Variants in DERPC observed in about 807,000 individuals in gnomAD.
The protein encoded by DERPC is DERPC proline and glycine rich nuclear protein, also known as decreased expression in renal and prostate cancer protein.
In DERPC, 1 loss-of-function variant was observed where a neutral mutation model predicts 7.2. The ratio of observed to expected loss-of-function variants is 0.14; its 90% CI spans 0.05 to 0.66. The LOEUF is 0.66. Among genes scored for constraint, DERPC ranks in the 30% least tolerant of loss-of-function variants. The pLI is 0.84. For missense variants in DERPC, 502 were observed against 299.4 expected (o/e 1.68, Z -4.99); for synonymous variants, 185 against 117.6 (o/e 1.57, Z -3.71).
At chr16:69,123,798 C>T (rs577579502) in intron 1 of DERPC, among the ~76,000 whole-genome samples, 1 of 152,016 alleles carries the variant, frequency 6.6e-6, no homozygotes, top group East Asian at 1.9e-4. Flanking sequence ...AATTAGATAA[C>T]AGACTTTGGC....
At chr16:69,123,344 A>G (rs1004900702) in intron 1 of DERPC, among the ~76,000 whole-genome samples, 4 of 152,156 alleles carry the variant, frequency 2.6e-5, no homozygotes, top group African/African-American at 9.7e-5. Flanking sequence ...ATCAAGGTTC[A>G]AAGGGTCTCC....
intron 1 of DERPC, chr16:69,132,075 C>A (rs1424995703): frequency 6.5e-6 from 1 of 154,512 alleles, no homozygotes. Flanking sequence ...GGAAGAGCCC[C>A]TTCCCGCACG....
In DERPC at chr16:69,118,308, G is replaced by A; in HGVS notation, c.*546C>T. The A allele has an allele frequency of 8.5e-7, 1 of 1,180,566 alleles. No homozygotes were observed. Among genetic ancestry groups the A allele is most frequent in the Non-Finnish European group, 1.3e-6 (1 of 785,086 alleles). 73.1% of individuals were successfully genotyped at this position (1,180,566 alleles called of 1,614,324 possible). A position where few individuals can be genotyped will look rare whatever the true frequency, so the allele number is the denominator to read the frequency against. ...CAGTCAAGCAGAAACTGCATTCGGT[G>A]GGTCTTTCTTTGAAGTGGTTGTCCA... is the stretch of plus-strand genomic sequence containing the variant. On this transcript the variant is annotated 3_prime_UTR_variant, in exon 3 of 3. Coordinates refer to ENST00000519520, the MANE Select transcript of DERPC (RefSeq NM_001002847.4).
At chr16:69,121,615 A>G in intron 1 of DERPC, 122 bp from the exon 2 acceptor site, 1 of 574,334 alleles carries the variant, frequency 1.7e-6, no homozygotes, top group Non-Finnish European at 3.1e-6. Flanking sequence ...GTAGCTGGGA[A>G]TACAGGCACC....
At chr16:69,132,422 C>T (rs1673895210) in intron 1 of DERPC, 62 bp downstream of exon 1, 1 of 173,494 alleles carries the variant, frequency 5.8e-6, no homozygotes, top group South Asian at 1.3e-4. Context: ...GCGCCCTCGC[C>T]CCCAATCCCG....
rs1049186048 is a variant in DERPC, at chr16:69,119,872, C to T, written c.557G>A (p.Arg186Lys). 5.7e-6 allele frequency: 4 copies of T among 701,636 alleles called. No homozygotes were observed. The African/African-American group carries it at 7.0e-5, about 12-fold the overall frequency. 43.5% of individuals were successfully genotyped at this position (701,636 alleles called of 1,614,324 possible). A position where few individuals can be genotyped will look rare whatever the true frequency, so the allele number is the denominator to read the frequency against. ...CCCAGAGGTTAACAGAACACCGGCT[C>T]TCAGGTTAGGTCCAGATCCAGGGCC... is the stretch of plus-strand genomic sequence containing the variant. ...PMGPGSGPNL[R>K]AGVLLTSGNG... Residue 186 changes from arginine to lysine, a missense_variant, in exon 3 of 3, where the codon AGA (arginine) becomes AAA (lysine). Arg to Lys is a conservative substitution (Grantham distance 26, BLOSUM62 2). Transcript: ENST00000519520.
At position 69,119,202 on chromosome 16, in the gene DERPC, G is replaced by T. The variant is rs992784148; in HGVS notation, c.1227C>A (p.Asn409Lys). 2 of 702,950 alleles carry T rather than the reference G, an allele frequency of 2.8e-6. No individual in the cohort carries two copies. The highest frequency in any genetic ancestry group is 3.5e-5 in the African/African-American group (2 of 57,288). 43.5% of individuals were successfully genotyped at this position (702,950 alleles called of 1,614,324 possible). A position where few individuals can be genotyped will look rare whatever the true frequency, so the allele number is the denominator to read the frequency against. Residue 409 changes from asparagine (N) to lysine (K), a missense_variant, in exon 3 of 3, where the codon AAC (asparagine) becomes AAA (lysine). By Grantham distance (94) the Asn-to-Lys change is moderately conservative (BLOSUM62 0). Transcript: ENST00000519520. ...CAGTGGCCCTTGGGAAGTTAGCTGG[G>T]TTGGGGCCAAGTGGCCCAGAGGCTC... ...FPRASGPLGP[N>K]PANFPRATGL...
In DERPC at chr16:69,119,782, C is replaced by T. The variant is rs1192116615; in HGVS notation, c.647G>A (p.Gly216Asp). ...GPGPNPNLRS[G>D]FLGTNPAPRS... is the part of the protein sequence containing the mutation. ...GGGGGCAGGGTTTGTCCCTAAAAAG[C>T]CTGATCTCAGATTGGGGTTTGGTCC... Residue 216 changes from glycine to aspartate, a missense_variant, in exon 3 of 3, where the codon GGC becomes GAC. Coordinates refer to ENST00000519520, the MANE Select transcript of DERPC (RefSeq NM_001002847.4). 3 of 699,672 alleles carry T rather than the reference C, an allele frequency of 4.3e-6. No homozygotes were observed. The highest frequency in any genetic ancestry group is 4.0e-5 in the Admixed American group (2 of 49,962). 43.3% of individuals were successfully genotyped at this position (699,672 alleles called of 1,614,324 possible). A position where few individuals can be genotyped will look rare whatever the true frequency, so the allele number is the denominator to read the frequency against.
In DERPC at chr16:69,118,683, C is replaced by T. The variant is rs147852683; in HGVS notation, c.*171G>A. On this transcript the variant is annotated 3_prime_UTR_variant, in exon 3 of 3. Coordinates refer to ENST00000519520, the MANE Select transcript of DERPC (RefSeq NM_001002847.4). ...GCCACAGTTCACATGCCACAAATAA[C>T]ATCTCACCTTCAGTCAAGAAAAACG... is the stretch of plus-strand genomic sequence containing the variant. The T allele has an allele frequency of 2.0e-3, 1,349 of 670,664 alleles. 10 individuals carry two copies. Among genetic ancestry groups the T allele is most frequent in the African/African-American group, 0.018 (982 of 55,860 alleles). The allele number at this position is 670,664 out of a possible 1,614,324, so 41.5% of individuals were successfully genotyped here. A position where few individuals can be genotyped will look rare whatever the true frequency, so the allele number is the denominator to read the frequency against.
intron 2 of DERPC, chr16:69,121,230 TCA>T: frequency 6.7e-7 from 1 of 1,490,120 alleles, no homozygotes; most frequent in South Asian, 1.2e-5. Context: ...AATAGTGTCC[TCA>T]CACCACCATT....
chr16:69,122,327 C>T (rs1424515246), intron 1 of DERPC, among the ~76,000 whole-genome samples: 1 of 151,902 alleles, frequency 6.6e-6, no homozygotes, highest in Non-Finnish European at 1.5e-5. Context: ...AGACCATACT[C>T]TTGCTCACTA....
chr16:69,129,366 G>C (rs1962321715), intron 1 of DERPC, among the ~76,000 whole-genome samples: 2 of 146,238 alleles, frequency 1.4e-5, no homozygotes, highest in Admixed American at 1.4e-4. Context: ...GGAGGCAGAG[G>C]TTGCAGTGAG....
chr16:69,121,675 T>G (rs1961678377), intron 1 of DERPC, among the ~76,000 whole-genome samples, 182 bp from the exon 2 acceptor site: 1 of 151,090 alleles, frequency 6.6e-6, no homozygotes, highest in Admixed American at 6.6e-5. Flanking sequence ...GATGGGGTTT[T>G]TTTTTTTTTT....
chr16:69,130,498 A>AG (rs1962419440), intron 1 of DERPC, among the ~76,000 whole-genome samples: 1 of 152,202 alleles, frequency 6.6e-6, no homozygotes, highest in African/African-American at 2.4e-5. Context: ...TTGTTTACGA[A>AG]TATAGTGAAG....
intron 1 of DERPC, among the ~76,000 whole-genome samples, chr16:69,128,685 G>A (rs1321632336): frequency 6.6e-6 from 1 of 152,096 alleles, no homozygotes. Context: ...AAACTAAAAA[G>A]CTTTGGCTGT....
intron 1 of DERPC, among the ~76,000 whole-genome samples, chr16:69,123,629 C>T (rs115138138): frequency 0.018 from 2,709 of 152,144 alleles, 83 homozygotes; most frequent in African/African-American, 0.062. Context: ...CCCTGGGCGA[C>T]AGAGTGAGAC....
Position 69,119,587 on chromosome 16 carries a change from G to A in DERPC, c.842C>T (p.Ala281Val). 1 of 701,836 alleles carries A rather than the reference G, an allele frequency of 1.4e-6. No homozygotes were observed. Among genetic ancestry groups the A allele is most frequent in the Non-Finnish European group, 2.6e-6 (1 of 384,296 alleles). 43.5% of individuals were successfully genotyped at this position (701,836 alleles called of 1,614,324 possible). A position where few individuals can be genotyped will look rare whatever the true frequency, so the allele number is the denominator to read the frequency against. Residue 281 changes from alanine to valine, a missense_variant, in exon 3 of 3, where the codon GCA becomes GTA. Coordinates refer to ENST00000519520, the MANE Select transcript of DERPC (RefSeq NM_001002847.4). ...TGAATTTGCTCCTAAAAGACCTGCTGCTCTTAGAATGGGGGCAAGATCGAG... is the reference window on the plus strand; with the variant it reads ...TGAATTTGCTCCTAAAAGACCTGCTACTCTTAGAATGGGGGCAAGATCGAG... Reference protein sequence around the residue: ...QGLDLAPILRAAGLLGANSAS... With the variant: ...QGLDLAPILRVAGLLGANSAS...
rs185104078 is a variant in DERPC, at chr16:69,122,596, A to G, written c.-279-1103T>C. 4.2e-3 allele frequency among the ~76,000 whole-genome samples: 619 copies of G among 149,062 alleles called. 1 individual carries two copies. Among genetic ancestry groups the G allele is most frequent in the Middle Eastern group, 7.0e-3 (2 of 284 alleles). On this transcript the variant is annotated intron_variant, in intron 1 of 2. Transcript: ENST00000519520. ...CACTGTGTCACCCAGGCTGGAGTGC[A>G]GTGGCATGATCTCAGGTCACTGCAA... is the stretch of plus-strand genomic sequence containing the variant.
chr16:69,132,581 T>C lies in DERPC; in HGVS notation c.-377A>G, dbSNP rs772652079. 2.5e-4 allele frequency: 103 copies of C among 407,136 alleles called. No homozygotes were observed. Among genetic ancestry groups the C allele is most frequent in the Non-Finnish European group, 4.4e-5 (9 of 206,062 alleles). The allele number at this position is 407,136 out of a possible 1,614,324, so 25.2% of individuals were successfully genotyped here. A position where few individuals can be genotyped will look rare whatever the true frequency, so the allele number is the denominator to read the frequency against. ...GCCGCCGCGAGCACTGCCTGCGCAC[T>C]TCCGACTATGCGCCAGGAGCACTTC... On this transcript the variant is annotated 5_prime_UTR_variant, in exon 1 of 3. Coordinates refer to ENST00000519520, the MANE Select transcript of DERPC (RefSeq NM_001002847.4).
Sources: gnomAD v4.1 joint callset for allele counts (sites outside exome capture counted in the v4.1 genomes callset) on GRCh38, gnomAD v4.1.1 for gene constraint, MANE v1.5 for transcripts, NCBI Gene and HGNC (gene_info 2026-07-23, HGNC 2026-07-21) for gene names.